NEMF: variants seen among roughly 807,000 people sequenced by gnomAD.
The protein encoded by NEMF is ribosome quality control complex subunit NEMF.
NEMF carries 89 observed loss-of-function variants against 162.2 expected under a neutral mutation model. That is an observed-to-expected ratio of 0.55 (90% CI 0.46 to 0.65). The LOEUF is 0.65. NEMF is among the 30% of genes least tolerant of loss of function. The pLI, the probability that NEMF is intolerant of heterozygous loss-of-function variation, is 0.00. For synonymous variants in NEMF, 421 were observed against 404.5 expected (o/e 1.04, Z -0.49); for missense variants, 1,133 against 1,261.9 (o/e 0.90, Z 1.55).
Position 49,832,239 on chromosome 14 carries a change from C to T in NEMF, c.774G>A (p.Leu258=). ...IIQKREIKPS[L]EADKPVEDIL... ...TGTCTTCAACTGGTTTATCTGCTTC[C>T]AAGCTTGGTTTTATTTCTCTTTTCT... Residue 258 remains leucine, a synonymous_variant, in exon 9 of 33, where the codon TTG becomes TTA. Transcript: ENST00000298310. 1.2e-6 allele frequency: 2 copies of T among 1,610,282 alleles called. No individual in the cohort carries two copies. The highest frequency in any genetic ancestry group is 1.7e-6 in the Non-Finnish European group (2 of 1,176,988).
rs1282172406 is a variant in NEMF, at chr14:49,828,267, TTCAC to T, written c.1488+20_1488+23del. ...ATTACGCAGGCACAAACAACTAACA[TTCAC>T]TCTAAGAAATACTCAGTACCTTCTC... On this transcript the variant is annotated intron_variant, in intron 15 of 32. Transcript: ENST00000298310. 6.6e-7 allele frequency: 1 copy of T among 1,522,186 alleles called. No individual in the cohort carries two copies. The highest frequency in any genetic ancestry group is 2.3e-5 in the East Asian group (1 of 44,372). 94.3% of individuals were successfully genotyped at this position (1,522,186 alleles called of 1,614,324 possible).
chr14:49,829,785 AAAT>A (rs1389430739), intron 11 of NEMF, among the ~76,000 whole-genome samples: 1 of 152,026 alleles, frequency 6.6e-6, no homozygotes, highest in Non-Finnish European at 1.5e-5. Flanking sequence ...ATTTTTTTTT[AAAT>A]AATAGAGACC....
rs148979847 is a variant in NEMF, at chr14:49,804,576, G to T, written c.1858-1282C>A. On this transcript the variant is annotated intron_variant, in intron 19 of 32. Coordinates refer to ENST00000298310, the MANE Select transcript of NEMF (RefSeq NM_004713.6). ...CAGCTACTCGGGAGGTTGAAGCAGA[G>T]AATTGCTTGAACCCAGGAGGCAGAG... Among the ~76,000 whole-genome samples, 764 of 151,706 alleles carry T rather than the reference G, an allele frequency of 5.0e-3. 7 individuals carry two copies. The highest frequency in any genetic ancestry group is 0.018 in the African/African-American group (729 of 41,336).
chr14:49,822,206 T>C (rs1302006869), intron 16 of NEMF, among the ~76,000 whole-genome samples: 1 of 151,922 alleles, frequency 6.6e-6, no homozygotes, highest in East Asian at 1.9e-4. Flanking sequence ...GTTCACTTGT[T>C]TGCCTGCTGA....
chr14:49,851,251 G>C (rs910621907), intron 3 of NEMF, among the ~76,000 whole-genome samples: 11 of 152,076 alleles, frequency 7.2e-5, no homozygotes, highest in African/African-American at 2.7e-4. Context: ...AATTAACGTT[G>C]GTCTAATTTA....
intron 19 of NEMF, among the ~76,000 whole-genome samples, chr14:49,803,755 A>G (rs1594746753): frequency 6.6e-6 from 1 of 151,492 alleles, no homozygotes; most frequent in South Asian, 2.1e-4. Flanking sequence ...TGAACTCCTA[A>G]CCTCATGATC....
At position 49,812,921 on chromosome 14, in the gene NEMF, G is replaced by A. The variant is rs145135214; in HGVS notation, c.1744+1067C>T. 3.9e-3 allele frequency among the ~76,000 whole-genome samples: 596 copies of A among 152,044 alleles called. 3 individuals are homozygous for A. Among genetic ancestry groups the A allele is most frequent in the African/African-American group, 0.014 (561 of 41,478 alleles). On this transcript the variant is annotated intron_variant, in intron 18 of 32. Coordinates refer to ENST00000298310, the MANE Select transcript of NEMF (RefSeq NM_004713.6). ...CTCCCGAGTAGCTGGGACTACAGGC[G>A]TGTGCCACCACACCCAGCTAATTTT...
In NEMF at chr14:49,815,072, TA is replaced by T. The variant is rs11323356; in HGVS notation, c.1578-216del. Among the ~76,000 whole-genome samples, 1,326 of 152,256 alleles carry T rather than the reference TA, an allele frequency of 8.7e-3. 12 individuals are homozygous for T. Among genetic ancestry groups the T allele is most frequent in the African/African-American group, 0.03 (1,259 of 41,554 alleles). The stretch of plus-strand genomic sequence containing the variant: ...GAAAAAAGAAATTAAATTCTATGTT[TA>T]AAAAAGTTATCTCCTTACTCCATAT... On this transcript the variant is annotated intron_variant, in intron 16 of 32. Transcript: ENST00000298310.
At chr14:49,814,097 C>CT (rs1566673761) in intron 17 of NEMF, 47 bp from the exon 18 acceptor site, 2 of 1,100,290 alleles carry the variant, frequency 1.8e-6, no homozygotes, top group African/African-American at 1.6e-5. Flanking sequence ...CCTAATTATT[C>CT]TTTTTTCCTT....
rs1244609956 is a variant in NEMF, at chr14:49,840,785, AT to A, written c.438del (p.Lys146AsnfsTer25). The A allele has an allele frequency of 1.2e-6, 2 of 1,613,978 alleles. No homozygotes were observed. Among genetic ancestry groups the A allele is most frequent in the African/African-American group, 1.3e-5 (1 of 74,920 alleles). On this transcript the variant is annotated frameshift_variant, in exon 5 of 33. Coordinates refer to ENST00000298310, the MANE Select transcript of NEMF (RefSeq NM_004713.6). LOFTEE classifies it high-confidence loss of function. ...AGTGGATAGCGTTCACGAACAGCAAATTTAACATCATCTGCCTCATCAGTTC... is the reference window on the plus strand; with the variant it reads ...AGTGGATAGCGTTCACGAACAGCAAATTAACATCATCTGCCTCATCAGTTC... ...RFRTDEADDV[K>X]FAVRERYPLD...
Position 49,829,151 on chromosome 14 carries a change from C to A in NEMF, c.1135G>T (p.Gly379Trp). ...GCCTGGGCTTCTTTCACAATTAACC[C>A]AATTTCTGTCCAATCTATCTGGTTA... is the stretch of plus-strand genomic sequence containing the variant. ...LANQIDWTEI[G>W]LIVKEAQAQG... Residue 379 changes from glycine (G) to tryptophan (W), a missense_variant, in exon 13 of 33, where the codon GGG (glycine) becomes TGG (tryptophan). Physicochemically the swap from Gly to Trp is radical, Grantham distance 184 (BLOSUM62 -2). This residue lies in a region of NEMF where 582 missense variants were observed against 631.5 expected (regional missense o/e 0.92). Transcript: ENST00000298310. The A allele has an allele frequency of 6.2e-7, 1 of 1,614,120 alleles. No individual in the cohort carries two copies. The highest frequency in any genetic ancestry group is 2.2e-5 in the East Asian group (1 of 44,872).
rs572498980 is a variant in NEMF, at chr14:49,836,689, G to GA, written c.574+1449dup. Among the ~76,000 whole-genome samples the GA allele has an allele frequency of 4.8e-3, 687 of 144,272 alleles. 1 individual carries two copies. The highest frequency in any genetic ancestry group is 7.5e-3 in the Non-Finnish European group (488 of 65,418). The allele number at this position is 144,272 out of a possible 152,430, so 94.6% of individuals were successfully genotyped here. On this transcript the variant is annotated intron_variant, in intron 6 of 32. Coordinates refer to ENST00000298310, the MANE Select transcript of NEMF (RefSeq NM_004713.6). Reference sequence around the variant, plus strand: ...AAATGCCAAATGCCAAAACTCTTTTGAAAAAAAAAAAGTGAACAGTTAAGA... The same window carrying GA: ...AAATGCCAAATGCCAAAACTCTTTTGAAAAAAAAAAAAGTGAACAGTTAAGA...
At chr14:49,803,603 G>A (rs1052472119) in intron 19 of NEMF, among the ~76,000 whole-genome samples, 1 of 150,434 alleles carries the variant, frequency 6.6e-6, no homozygotes, top group African/African-American at 2.5e-5. Flanking sequence ...TCGGCTCACT[G>A]TAACCTCCAC....
intron 26 of NEMF, among the ~76,000 whole-genome samples, chr14:49,792,273 G>A (rs112324596): frequency 6.6e-6 from 1 of 152,172 alleles, no homozygotes; most frequent in African/African-American, 2.4e-5. Flanking sequence ...CTGGAGTGCA[G>A]TGCATGACCT....
intron 16 of NEMF, among the ~76,000 whole-genome samples, chr14:49,823,005 C>T (rs3126204): frequency 0.97 from 145,721 of 150,788 alleles, 70,628 homozygotes; most frequent in East Asian, 1. Context: ...GGCACGATCT[C>T]GGCTTACTGA....
intron 16 of NEMF, among the ~76,000 whole-genome samples, chr14:49,822,368 A>G (rs1264881607): frequency 6.6e-6 from 1 of 151,730 alleles, no homozygotes; most frequent in Non-Finnish European, 1.5e-5. Context: ...AAAAAGTACA[A>G]AAGTTAGCCG....
chr14:49,790,423 C>A (rs576200986), intron 26 of NEMF, among the ~76,000 whole-genome samples: 1 of 152,076 alleles, frequency 6.6e-6, no homozygotes, highest in Admixed American at 6.5e-5. Flanking sequence ...CATGAGAAAG[C>A]GCTCAATATC....
At chr14:49,812,959 TA>T (rs1256098430) in intron 18 of NEMF, among the ~76,000 whole-genome samples, 1 of 152,144 alleles carries the variant, frequency 6.6e-6, no homozygotes, top group Non-Finnish European at 1.5e-5. Context: ...GTATTTTTAG[TA>T]GAGACAGGGT....
chr14:49,843,236 C>A (rs901071319), intron 4 of NEMF, among the ~76,000 whole-genome samples: 1 of 151,884 alleles, frequency 6.6e-6, no homozygotes, highest in Non-Finnish European at 1.5e-5. Flanking sequence ...GGCTCACCCC[C>A]GTAATCCCAA....
Sources: allele counts gnomAD v4.1 joint callset (sites outside exome capture counted in the v4.1 genomes callset), GRCh38; gene constraint gnomAD v4.1.1; regional missense constraint gnomAD v4.1.1; transcripts MANE v1.5; gene names NCBI Gene and HGNC (gene_info 2026-07-23, HGNC 2026-07-21).